The following PHTF2 variants were observed in gnomAD, a reference collection of about 807,000 sequenced individuals.
PHTF2 encodes the protein protein PHTF2.
Under a neutral mutation model 101.2 loss-of-function variants are expected in PHTF2, and 60 were observed. The ratio of observed to expected loss-of-function variants is 0.59; its 90% CI spans 0.48 to 0.73. The LOEUF (loss-of-function observed/expected upper bound fraction) is 0.73, where lower values mean the gene tolerates loss of function less well. Among genes scored for constraint, PHTF2 ranks in the 30% least tolerant of loss-of-function variants. The pLI is 0.00. For missense variants in PHTF2, 747 were observed against 908.7 expected (o/e 0.82, Z 2.29); for synonymous variants, 311 against 307.3 (o/e 1.01, Z -0.13).
chr7:77,863,938 G>A (rs1028542503), intron 3 of PHTF2, among the ~76,000 whole-genome samples: 2 of 151,764 alleles, frequency 1.3e-5, no homozygotes, highest in Non-Finnish European at 2.9e-5. Flanking sequence ...CACCATCCCC[G>A]CTTAGTTTTA....
At chr7:77,929,980 T>C (rs1049434948) in intron 12 of PHTF2, among the ~76,000 whole-genome samples, 32 of 145,252 alleles carry the variant, frequency 2.2e-4, no homozygotes, top group African/African-American at 7.5e-4. Context: ...AGATGGAGTC[T>C]GTCCCTCTTG....
At chr7:77,937,868 CA>C in intron 13 of PHTF2, 30 bp downstream of exon 12, 1 of 1,273,386 alleles carries the variant, frequency 7.9e-7, no homozygotes, top group Non-Finnish European at 1.1e-6. Flanking sequence ...TCTTGTAGTT[CA>C]AGGGTAAGAC....
chr7:77,840,474 T>C (rs962432708), intron 2 of PHTF2, among the ~76,000 whole-genome samples, 174 bp downstream of exon 2: 17 of 152,210 alleles, frequency 1.1e-4, no homozygotes, highest in Non-Finnish European at 2.9e-5. Flanking sequence ...ACATATTTTT[T>C]CTCTACTTTT....
intron 15 of PHTF2, 82 bp from the exon 15 acceptor site, chr7:77,942,618 A>T: frequency 1.3e-6 from 1 of 752,138 alleles, no homozygotes; most frequent in Non-Finnish European, 2.2e-6. Context: ...CAACACCTTT[A>T]TTGAAACCAT....
At chr7:77,943,111 TTTTCTTTCTTTC>T (rs540036362) in intron 16 of PHTF2, among the ~76,000 whole-genome samples, 1 of 56,356 alleles carries the variant, frequency 1.8e-5, no homozygotes, top group African/African-American at 3.6e-5. Context: ...TTTACTATTC[TTTTCTTTCTTTC>T]TTTCTTTCTT....
At chr7:77,881,864 A>G (rs1369237146) in intron 3 of PHTF2, among the ~76,000 whole-genome samples, 1 of 152,242 alleles carries the variant, frequency 6.6e-6, no homozygotes, top group African/African-American at 2.4e-5. Flanking sequence ...GCGGTATGCA[A>G]CAGTACTTAC....
At chr7:77,884,899 A>AAAATAAAT (rs55902103) in intron 3 of PHTF2, among the ~76,000 whole-genome samples, 14,648 of 151,218 alleles carry the variant, frequency 0.097, 788 homozygotes, top group Non-Finnish European at 0.11. Flanking sequence ...ACTTCGTCTC[A>AAAATAAAT]AAATAAATAA....
At chr7:77,853,133 ATT>A (rs1723821671) in intron 2 of PHTF2, among the ~76,000 whole-genome samples, 1 of 152,036 alleles carries the variant, frequency 6.6e-6, no homozygotes, top group South Asian at 2.1e-4. Flanking sequence ...TAGATTTGTT[ATT>A]ATCTCTTTGA....
chr7:77,800,861 C>A (rs1357648743), intron 1 of PHTF2, among the ~76,000 whole-genome samples: 1 of 152,130 alleles, frequency 6.6e-6, no homozygotes, highest in African/African-American at 2.4e-5. Flanking sequence ...CTAATTTGTT[C>A]AAGATTTCTT....
At chr7:77,824,670 T>C (rs2150530182) in intron 1 of PHTF2, among the ~76,000 whole-genome samples, 1 of 152,316 alleles carries the variant, frequency 6.6e-6, no homozygotes, top group East Asian at 1.9e-4. Flanking sequence ...TCTGCCCGCC[T>C]TGGCCTCCCA....
chr7:77,866,555 G>T (rs1798080939), intron 3 of PHTF2, among the ~76,000 whole-genome samples: 1 of 151,888 alleles, frequency 6.6e-6, no homozygotes, highest in Non-Finnish European at 1.5e-5. Context: ...TCAGAAGCTG[G>T]GTTTTACCAT....
intron 5 of PHTF2, chr7:77,895,254 A>G (rs932773602): frequency 2.5e-5 from 10 of 399,496 alleles, no homozygotes; most frequent in Non-Finnish European, 4.9e-5. Context: ...ATATAGCTAT[A>G]GGAATGAGTA....
chr7:77,809,930 A>G (rs556513238), intron 1 of PHTF2, among the ~76,000 whole-genome samples: 12 of 152,312 alleles, frequency 7.9e-5, no homozygotes, highest in Admixed American at 3.3e-4. Flanking sequence ...ACCCATTGCA[A>G]CCACACTAAA....
chr7:77,930,805 C>T (rs533596669), intron 12 of PHTF2, among the ~76,000 whole-genome samples: 1 of 152,182 alleles, frequency 6.6e-6, no homozygotes, highest in African/African-American at 2.4e-5. Flanking sequence ...GTCTCTTTAC[C>T]TCTGTCTGGT....
intron 3 of PHTF2, among the ~76,000 whole-genome samples, chr7:77,862,005 C>T (rs986517104): frequency 6.7e-6 from 1 of 148,330 alleles, no homozygotes; most frequent in Non-Finnish European, 1.5e-5. Context: ...TGCAGTGAGC[C>T]AAGATCGTGC....
intron 16 of PHTF2, among the ~76,000 whole-genome samples, chr7:77,947,330 C>T (rs529763099): frequency 1.4e-4 from 21 of 151,808 alleles, no homozygotes; most frequent in African/African-American, 4.6e-4. Flanking sequence ...GGGAGGCCTA[C>T]GTGGGCGGAT....
chr7:77,816,894 C>T (rs1321381408), intron 1 of PHTF2, among the ~76,000 whole-genome samples: 1 of 152,186 alleles, frequency 6.6e-6, no homozygotes, highest in Non-Finnish European at 1.5e-5. Flanking sequence ...CTGCGAATGA[C>T]AGGATTTGAT....
chr7:77,953,380 A>AG (rs1806720200), intron 18 of PHTF2, among the ~76,000 whole-genome samples: 1 of 152,216 alleles, frequency 6.6e-6, no homozygotes, highest in Non-Finnish European at 1.5e-5. Context: ...ATTGACTCAA[A>AG]GAGGAGTTTT....
chr7:77,887,552 A>C (rs569675309), intron 3 of PHTF2, among the ~76,000 whole-genome samples: 1 of 152,334 alleles, frequency 6.6e-6, no homozygotes, highest in Admixed American at 6.5e-5. Flanking sequence ...GGGAAGTAGT[A>C]ACTGGCTAGA....
Sources: allele counts gnomAD v4.1 joint callset (sites outside exome capture counted in the v4.1 genomes callset), GRCh38; gene constraint gnomAD v4.1.1; transcripts MANE v1.5; gene names NCBI Gene and HGNC (gene_info 2026-07-23, HGNC 2026-07-21).